The following USP34 variants were observed in gnomAD, a reference collection of about 807,000 sequenced individuals.
USP34 encodes the protein ubiquitin specific peptidase 34.
In USP34, 70 loss-of-function variants were observed where a neutral mutation model predicts 460.3. That is an observed-to-expected ratio of 0.15 (90% CI 0.13 to 0.19). The LOEUF (loss-of-function observed/expected upper bound fraction) is 0.19, where lower values mean the gene tolerates loss of function less well. USP34 is among the 10% of genes least tolerant of loss of function. USP34 has a pLI of 1.00. For missense variants in USP34, 3,985 were observed against 4,236.2 expected, an observed-to-expected ratio of 0.94 and a Z score of 1.65; for synonymous variants, 1,647 against 1,405.3, an observed-to-expected ratio of 1.17 and a Z score of -3.85.
intron 29 of USP34, among the ~76,000 whole-genome samples, chr2:61,300,139 A>T (rs1690175622): frequency 6.6e-6 from 1 of 152,218 alleles, no homozygotes; most frequent in African/African-American, 2.4e-5. Context: ...AAAGAAACTT[A>T]TTAGGTATAA....
At chr2:61,256,822 C>G in intron 47 of USP34, 51 bp downstream of exon 47, 1 of 1,403,728 alleles carries the variant, frequency 7.1e-7, no homozygotes, top group Non-Finnish European at 9.7e-7. Flanking sequence ...ACCCGCTATA[C>G]ACAAATAGGT....
intron 1 of USP34, among the ~76,000 whole-genome samples, chr2:61,440,518 A>AT (rs1229533998): frequency 0.021 from 2,963 of 140,280 alleles, 75 homozygotes; most frequent in African/African-American, 0.063. Flanking sequence ...CCCTTTTTAA[A>AT]TTTTTTTTTT....
At chr2:61,402,415 G>A (rs1475016011) in intron 3 of USP34, among the ~76,000 whole-genome samples, 1 of 152,186 alleles carries the variant, frequency 6.6e-6, no homozygotes, top group Non-Finnish European at 1.5e-5. Flanking sequence ...AAGGGAGACA[G>A]AAGGAGTGGC....
At chr2:61,380,023 AATT>A in intron 7 of USP34, 143 bp downstream of exon 7, 1 of 598,276 alleles carries the variant, frequency 1.7e-6, no homozygotes, top group South Asian at 4.2e-5. Context: ...GAAACACAGA[AATT>A]ATTTGTGAAG....
chr2:61,454,293 G>A (rs778142), intron 1 of USP34, among the ~76,000 whole-genome samples: 1 of 151,792 alleles, frequency 6.6e-6, no homozygotes, highest in Non-Finnish European at 1.5e-5. Flanking sequence ...GCTCAGCTAG[G>A]TTTTGTTTTT....
rs758942442 is a variant in USP34, at chr2:61,228,998, A to G, written c.7200-3T>C. ...CTGAGGTATCCATATCATCTGACCT[A>G]AGAGACAATTAAATAGATCTTAGAG... On this transcript the variant is annotated splice_region_variant and splice_polypyrimidine_tract_variant and intron_variant, in intron 59 of 79. Coordinates refer to ENST00000398571, the MANE Select transcript of USP34 (RefSeq NM_014709.4). 91 of 1,557,156 alleles carry G rather than the reference A, an allele frequency of 5.8e-5. No homozygotes were observed. The highest frequency in any genetic ancestry group is 1.7e-4 in the Middle Eastern group (1 of 5,794).
intron 20 of USP34, among the ~76,000 whole-genome samples, chr2:61,326,770 A>G (rs1221237358): frequency 6.9e-6 from 1 of 145,364 alleles, no homozygotes; most frequent in Non-Finnish European, 1.5e-5. Flanking sequence ...GCAGAAGGTC[A>G]ATGGGCATTT....
At chr2:61,418,810 G>C (rs939140760) in intron 2 of USP34, among the ~76,000 whole-genome samples, 3 of 152,134 alleles carry the variant, frequency 2.0e-5, no homozygotes, top group Non-Finnish European at 4.4e-5. Flanking sequence ...GCACAATTAA[G>C]AGTATAACAT....
At chr2:61,451,800 G>C (rs976374501) in intron 1 of USP34, among the ~76,000 whole-genome samples, 1 of 152,010 alleles carries the variant, frequency 6.6e-6, no homozygotes, top group Admixed American at 6.6e-5. Flanking sequence ...ATTAATGTTA[G>C]ATCCTACTTC....
At chr2:61,305,181 A>C (rs1690364182) in intron 27 of USP34, among the ~76,000 whole-genome samples, 1 of 152,040 alleles carries the variant, frequency 6.6e-6, no homozygotes, top group African/African-American at 2.4e-5. Flanking sequence ...ACAATTAGCC[A>C]GGCGTGGTGG....
intron 1 of USP34, among the ~76,000 whole-genome samples, chr2:61,466,661 C>T (rs1393888098): frequency 6.6e-6 from 1 of 152,084 alleles, no homozygotes; most frequent in African/African-American, 2.4e-5. Flanking sequence ...CCTGTAATTG[C>T]AGCACTTTGG....
intron 5 of USP34, among the ~76,000 whole-genome samples, chr2:61,391,294 A>T (rs1479222907): frequency 6.6e-6 from 1 of 152,006 alleles, no homozygotes; most frequent in African/African-American, 2.4e-5. Context: ...AGAAACACAA[A>T]AATTAGCCAG....
chr2:61,206,922 C>G (rs769138376), intron 70 of USP34, 36 bp from the exon 71 acceptor site: 1 of 1,601,430 alleles, frequency 6.2e-7, no homozygotes, highest in South Asian at 1.1e-5. Context: ...AACTTAATTT[C>G]ATTTTTGCTT....
rs1693971137 is a variant in USP34 at position 61,409,286 on chromosome 2, C to T, written c.132-3158G>A. Among the ~76,000 whole-genome samples, 3 of 152,076 alleles carry T rather than the reference C, an allele frequency of 2.0e-5. No homozygotes were observed. The South Asian group carries it at 6.2e-4, about 31-fold the overall frequency. On this transcript the variant is annotated intron_variant, in intron 2 of 79. Transcript: ENST00000398571. ...GTCAGGCCGGGTGTGGTGGCTCACG[C>T]CTGTAATCCCAGCACTTTGGGAGGC... is the stretch of plus-strand genomic sequence containing the variant.
chr2:61,461,732 G>A (rs779505019), intron 1 of USP34, among the ~76,000 whole-genome samples: 46 of 152,078 alleles, frequency 3.0e-4, no homozygotes, highest in Admixed American at 6.6e-4. Context: ...ACGACTAAAA[G>A]ATCAATATAT....
intron 32 of USP34, among the ~76,000 whole-genome samples, chr2:61,294,145 A>C (rs1409349663): frequency 6.6e-6 from 1 of 152,104 alleles, no homozygotes; most frequent in Non-Finnish European, 1.5e-5. Flanking sequence ...GCAGATCAAG[A>C]CCATCCTGGC....
In USP34 at chr2:61,350,391, TA is replaced by T. The variant is rs745413034; in HGVS notation, c.1378-3del. ...TAACATGGATGCCAAGTACAGTGTC[TA>T]AAAAAAAGAGGGAGAGATTTCAGTT... is the stretch of plus-strand genomic sequence containing the variant. On this transcript the variant is annotated splice_polypyrimidine_tract_variant and splice_region_variant and intron_variant, in intron 11 of 79. Transcript: ENST00000398571. The T allele has an allele frequency of 1.5e-5, 24 of 1,598,342 alleles. No individual in the cohort carries two copies. Among genetic ancestry groups the T allele is most frequent in the South Asian group, 5.7e-5 (5 of 87,324 alleles).
Position 61,214,198 on chromosome 2 carries a change from A to T in USP34, c.8544T>A (p.Arg2848=), listed in dbSNP as rs1182647374. 3.1e-6 allele frequency: 5 copies of T among 1,614,102 alleles called. No homozygotes were observed. Among genetic ancestry groups the T allele is most frequent in the Non-Finnish European group, 4.2e-6 (5 of 1,180,034 alleles). ...HDDQDVVLFN[R]GMLPAYYGIL... The stretch of plus-strand genomic sequence containing the variant: ...TGCCATAGTACGCTGGCAGCATCCC[A>T]CGGTTAAAAAGCACCACATCCTGAT... Residue 2848 remains arginine (R), a synonymous_variant, in exon 68 of 80, where the codon CGT becomes CGA. Coordinates refer to ENST00000398571, the MANE Select transcript of USP34 (RefSeq NM_014709.4).
intron 39 of USP34, among the ~76,000 whole-genome samples, chr2:61,279,154 A>G (rs921629691): frequency 1.3e-5 from 2 of 152,072 alleles, no homozygotes; most frequent in African/African-American, 4.8e-5. Flanking sequence ...ATTAACAATA[A>G]GTATATTAAA....
Sources: allele counts gnomAD v4.1 joint callset (sites outside exome capture counted in the v4.1 genomes callset), GRCh38; gene constraint gnomAD v4.1.1; transcripts MANE v1.5; gene names NCBI Gene and HGNC (gene_info 2026-07-23, HGNC 2026-07-21).